The following PTPRD variants were observed in gnomAD, a reference collection of about 807,000 sequenced individuals.
The protein encoded by PTPRD is receptor-type tyrosine-protein phosphatase delta.
PTPRD carries 34 observed loss-of-function variants against 214.5 expected under a neutral mutation model. That is an observed-to-expected ratio of 0.16 (90% confidence interval 0.12 to 0.21). The LOEUF (loss-of-function observed/expected upper bound fraction) is 0.21, where lower values mean the gene tolerates loss of function less well. PTPRD is among the 10% of genes least tolerant of loss of function. The pLI is 1.00. For synonymous variants in PTPRD, 1,128 were observed against 845.7 expected, an observed-to-expected ratio of 1.33 and a Z score of -5.79; for missense variants, 2,545 against 2,398.7, an observed-to-expected ratio of 1.06 and a Z score of -1.27.
intron 30 of PTPRD, among the ~76,000 whole-genome samples, chr9:8,476,608 A>T (rs2096770708): frequency 6.6e-6 from 1 of 151,822 alleles, no homozygotes; most frequent in Non-Finnish European, 1.5e-5. Context: ...TAAACCTATT[A>T]CCCCCATTAT....
At chr9:9,369,932 A>G (rs962290627) in intron 9 of PTPRD, among the ~76,000 whole-genome samples, 3 of 151,962 alleles carry the variant, frequency 2.0e-5, no homozygotes, top group African/African-American at 7.2e-5. Flanking sequence ...GATACGCGGC[A>G]TTATTTCTGA....
chr9:10,374,135 C>A (rs1308745361), intron 2 of PTPRD, among the ~76,000 whole-genome samples: 2 of 151,976 alleles, frequency 1.3e-5, no homozygotes, highest in Non-Finnish European at 2.9e-5. Flanking sequence ...TTTTGAGGGT[C>A]CTCTTTGCAA....
At chr9:10,027,599 T>G (rs981432932) in intron 4 of PTPRD, among the ~76,000 whole-genome samples, 1 of 152,226 alleles carries the variant, frequency 6.6e-6, no homozygotes, top group African/African-American at 2.4e-5. Flanking sequence ...GCATTTGTTA[T>G]AACAATATAT....
chr9:9,295,827 C>T (rs971566347), intron 9 of PTPRD, among the ~76,000 whole-genome samples: 7 of 151,776 alleles, frequency 4.6e-5, no homozygotes, highest in African/African-American at 1.4e-4. Context: ...ATCAGGGCTT[C>T]GAAGCATAAT....
chr9:9,384,104 CTT>C (rs1258366327), intron 9 of PTPRD, among the ~76,000 whole-genome samples: 46 of 150,708 alleles, frequency 3.1e-4, no homozygotes. Context: ...ACATTAAAAA[CTT>C]TTCACATACT....
At chr9:10,316,003 G>C (rs1394198474) in intron 3 of PTPRD, among the ~76,000 whole-genome samples, 1 of 151,686 alleles carries the variant, frequency 6.6e-6, no homozygotes, top group East Asian at 1.9e-4. Flanking sequence ...AAGAAAATAA[G>C]AGATAGTTTA....
chr9:9,132,705 T>C (rs2099844655), intron 10 of PTPRD, among the ~76,000 whole-genome samples: 1 of 152,220 alleles, frequency 6.6e-6, no homozygotes, highest in African/African-American at 2.4e-5. Flanking sequence ...TAACCAAATA[T>C]GCAATCATAA....
chr9:10,152,610 G>A (rs1381037448), intron 3 of PTPRD, among the ~76,000 whole-genome samples: 1 of 152,158 alleles, frequency 6.6e-6, no homozygotes, highest in Non-Finnish European at 1.5e-5. Flanking sequence ...CGGATCACCT[G>A]AGGTCAGGAG....
At chr9:8,974,740 T>C (rs1443929472) in intron 11 of PTPRD, among the ~76,000 whole-genome samples, 1 of 152,056 alleles carries the variant, frequency 6.6e-6, no homozygotes, top group African/African-American at 2.4e-5. Flanking sequence ...ACAGTAATAG[T>C]ATATACTATT....
At chr9:10,397,152 A>G (rs978060625) in intron 2 of PTPRD, among the ~76,000 whole-genome samples, 1 of 152,068 alleles carries the variant, frequency 6.6e-6, no homozygotes, top group Non-Finnish European at 1.5e-5. Context: ...AATTTAAACA[A>G]TATTCAAATT....
chr9:9,036,407 CA>C (rs1441369328), intron 10 of PTPRD, among the ~76,000 whole-genome samples: 5 of 151,924 alleles, frequency 3.3e-5, no homozygotes, highest in Non-Finnish European at 5.9e-5. Flanking sequence ...TCTTAATTGT[CA>C]TAGCCAACAG....
chr9:10,528,132 C>G (rs191476713), intron 2 of PTPRD, among the ~76,000 whole-genome samples: 18 of 152,224 alleles, frequency 1.2e-4, no homozygotes, highest in Admixed American at 3.3e-4. Context: ...ATGCAGATCT[C>G]TACAGTGAAT....
intron 25 of PTPRD, 146 bp from the exon 26 acceptor site, chr9:8,497,414 T>C: frequency 1.7e-6 from 1 of 573,342 alleles, no homozygotes; most frequent in Non-Finnish European, 2.9e-6. Flanking sequence ...GAATGTGTGA[T>C]TTGCTGCCAC....
At chr9:9,394,548 T>G (rs1350243501) in intron 9 of PTPRD, among the ~76,000 whole-genome samples, 1 of 152,138 alleles carries the variant, frequency 6.6e-6, no homozygotes, top group Non-Finnish European at 1.5e-5. Flanking sequence ...GTGCCCCAGT[T>G]TTCTTATATG....
At chr9:9,363,817 G>A (rs2057038934) in intron 9 of PTPRD, among the ~76,000 whole-genome samples, 1 of 151,196 alleles carries the variant, frequency 6.6e-6, no homozygotes, top group Non-Finnish European at 1.5e-5. Context: ...TGACAACTGA[G>A]GGAACTAAGG....
intron 7 of PTPRD, among the ~76,000 whole-genome samples, chr9:9,590,543 C>A (rs2092621071): frequency 6.6e-6 from 1 of 151,896 alleles, no homozygotes; most frequent in Admixed American, 6.6e-5. Flanking sequence ...CTATAATGAA[C>A]ATCAATTCCT....
intron 11 of PTPRD, among the ~76,000 whole-genome samples, chr9:8,741,968 G>A (rs1360699489): frequency 6.6e-6 from 1 of 152,048 alleles, no homozygotes; most frequent in Non-Finnish European, 1.5e-5. Flanking sequence ...ATATGCCCTT[G>A]ATTAAGAGGT....
intron 17 of PTPRD, among the ~76,000 whole-genome samples, chr9:8,526,238 T>TC (rs2074086393): frequency 7.0e-6 from 1 of 143,220 alleles, no homozygotes; most frequent in Non-Finnish European, 1.5e-5. Context: ...TCTTTTTTTT[T>TC]CTCCGGTTGG....
At chr9:10,541,106 T>A (rs2059007379) in intron 2 of PTPRD, among the ~76,000 whole-genome samples, 1 of 152,230 alleles carries the variant, frequency 6.6e-6, no homozygotes. Context: ...CTTCCTTTAT[T>A]TATCTGCTTT....
Sources: allele counts gnomAD v4.1 joint callset (sites outside exome capture counted in the v4.1 genomes callset), GRCh38; gene constraint gnomAD v4.1.1; transcripts MANE v1.5; gene names NCBI Gene and HGNC (gene_info 2026-07-23, HGNC 2026-07-21).